OR56A3: variants seen among roughly 807,000 people sequenced by gnomAD.
The protein encoded by OR56A3 is olfactory receptor family 56 subfamily A member 3, also known as olfactory receptor 56A3.
Under a neutral mutation model 17.5 loss-of-function variants are expected in OR56A3, and 23 were observed. The ratio of observed to expected loss-of-function variants is 1.32; its 90% CI spans 0.95 to 1.87. OR56A3 has a LOEUF of 1.87. Ranked by LOEUF, OR56A3 falls within the 40% of genes most tolerant of loss-of-function variation. The pLI is 0.00. For missense variants in OR56A3, 366 were observed against 380.1 expected (o/e 0.96, Z 0.31); for synonymous variants, 175 against 150.6 (o/e 1.16, Z -1.19).
At chr11:6,003,744 G>A in the OR56A3 span, among the ~76,000 whole-genome samples, 1 of 152,292 alleles carries the variant, frequency 6.6e-6, no homozygotes, top group Non-Finnish European at 1.5e-5. Context: ...AACGTTGTGT[G>A]AAATGATGTT....
At chr11:6,010,369 A>T in the OR56A3 span, among the ~76,000 whole-genome samples, 2 of 152,204 alleles carry the variant, frequency 1.3e-5, no homozygotes, top group African/African-American at 4.8e-5. Context: ...ATTGAAACTC[A>T]ATCCCTACCT....
chr11:5,994,885 G>A, the OR56A3 span: 1 of 759,306 alleles, frequency 1.3e-6, no homozygotes, highest in Non-Finnish European at 2.4e-6. Flanking sequence ...CCGGGTAGGA[G>A]GCCAGGCAGT....
At chr11:6,020,293 T>A in the OR56A3 span, 1 of 152,170 alleles carries the variant, frequency 6.6e-6, no homozygotes, top group Non-Finnish European at 1.5e-5. Context: ...CTATTCAGGC[T>A]CTTTTTTGGT....
the OR56A3 span, among the ~76,000 whole-genome samples, chr11:5,998,338 A>G: frequency 6.6e-6 from 1 of 152,186 alleles, no homozygotes; most frequent in Non-Finnish European, 1.5e-5. Context: ...TAGAGAAAAG[A>G]AAAGATCCCA....
At chr11:5,968,463 G>C in the OR56A3 span, 6 of 1,562,860 alleles carry the variant, frequency 3.8e-6, no homozygotes. Flanking sequence ...TTCAAAGACT[G>C]GGGAAGTGGA....
the OR56A3 span, chr11:5,985,771 C>T: frequency 3.1e-5 from 19 of 607,114 alleles, no homozygotes; most frequent in African/African-American, 2.8e-4. Context: ...TATCCAGGTA[C>T]ATCCCAATAA....
At chr11:5,984,540 T>A in the OR56A3 span, among the ~76,000 whole-genome samples, 1 of 152,208 alleles carries the variant, frequency 6.6e-6, no homozygotes, top group Non-Finnish European at 1.5e-5. Context: ...TTAAGAGAGT[T>A]TGTTACAATA....
chr11:5,948,210 T>C lies in OR56A3; in HGVS notation c.864T>C (p.Pro288=), dbSNP rs1400627084. ...VLLNVLHHVI[P]AALNPIIYGV... ...TCAATGTTCTCCACCATGTCATTCC[T>C]GCAGCCCTTAACCCCATCATTTACG... The change falls in exon 3 of 3, where the codon CCT becomes CCC. Residue 288 remains proline (P), a synonymous_variant. Transcript: ENST00000641160. The C allele has an allele frequency of 6.2e-7, 1 of 1,614,230 alleles. No individual in the cohort carries two copies. Among genetic ancestry groups the C allele is most frequent in the Non-Finnish European group, 8.5e-7 (1 of 1,180,028 alleles).
chr11:5,986,331 C>T, the OR56A3 span: 1 of 1,613,988 alleles, frequency 6.2e-7, no homozygotes, highest in Middle Eastern at 1.6e-4. Context: ...TCACAACAGC[C>T]ATATGTTCAC....
chr11:5,947,924 G>A lies in OR56A3; in HGVS notation c.578G>A (p.Cys193Tyr). ...CANMSVSRLS[C>Y]DDVTINHLYQ... ...AATATGTCTGTTTCCAGACTCTCCT[G>A]CGATGATGTCACCATCAATCACCTT... Residue 193 changes from cysteine to tyrosine, a missense_variant, in exon 3 of 3, where the codon TGC (cysteine) becomes TAC (tyrosine). Transcript: ENST00000641160. 6.2e-7 allele frequency: 1 copy of A among 1,614,138 alleles called. No individual in the cohort carries two copies. The highest frequency in any genetic ancestry group is 8.5e-7 in the Non-Finnish European group (1 of 1,179,988).
the OR56A3 span, among the ~76,000 whole-genome samples, chr11:5,983,278 G>C: frequency 6.6e-6 from 1 of 151,814 alleles, no homozygotes; most frequent in Non-Finnish European, 1.5e-5. Context: ...CACAACTTTT[G>C]CTATATGTAC....
chr11:6,018,042 A>G, the OR56A3 span, among the ~76,000 whole-genome samples: 35 of 14,268 alleles, frequency 2.5e-3, no homozygotes, highest in South Asian at 7.1e-3. Flanking sequence ...GTGTGTGTGT[A>G]TATATATATA....
chr11:6,007,676 T>C, the OR56A3 span, among the ~76,000 whole-genome samples: 5 of 152,240 alleles, frequency 3.3e-5, no homozygotes, highest in East Asian at 1.9e-4. Flanking sequence ...AACTGAGTGA[T>C]GGGAATTCTT....
At chr11:5,954,333 C>T (rs1847922498), downstream of OR56A3, among the ~76,000 whole-genome samples, 1 of 152,114 alleles carries the variant, frequency 6.6e-6, no homozygotes, top group South Asian at 2.1e-4. Context: ...GACTAAGGCT[C>T]AGATCTTATC....
In OR56A3 at chr11:5,951,190, C is replaced by T. The variant is rs1847905614; in HGVS notation, c.*2896C>T. The T allele has an allele frequency of 6.6e-6, 1 of 151,928 alleles. No homozygotes were observed. The highest frequency in any genetic ancestry group is 2.1e-4 in the South Asian group (1 of 4,820). 9.4% of individuals were successfully genotyped at this position (151,928 alleles called of 1,614,324 possible). A position where few individuals can be genotyped will look rare whatever the true frequency, so the allele number is the denominator to read the frequency against. On this transcript the variant is annotated 3_prime_UTR_variant, in exon 3 of 3. Transcript: ENST00000641160. The stretch of plus-strand genomic sequence containing the variant: ...GTGACAGACTTGAAGAAGAGTTAAA[C>T]TTAAGATCCTAAGGAAGAATGTAAA...
the OR56A3 span, among the ~76,000 whole-genome samples, chr11:5,963,818 T>G: frequency 3.3e-5 from 5 of 152,300 alleles, no homozygotes; most frequent in Non-Finnish European, 5.9e-5. Context: ...CACTCTTGAA[T>G]GCCAATAACT....
chr11:5,959,641 T>G, the OR56A3 span, among the ~76,000 whole-genome samples: 1 of 152,224 alleles, frequency 6.6e-6, no homozygotes, highest in Non-Finnish European at 1.5e-5. Context: ...CTCTATTGAT[T>G]GCTTTCTTTG....
downstream of OR56A3, among the ~76,000 whole-genome samples, chr11:5,951,975 A>G (rs185229720): frequency 6.6e-6 from 1 of 152,364 alleles, no homozygotes; most frequent in African/African-American, 2.4e-5. Flanking sequence ...TGATGTGATT[A>G]GCATAAATCT....
At chr11:5,989,665 A>G in the OR56A3 span, among the ~76,000 whole-genome samples, 3 of 152,182 alleles carry the variant, frequency 2.0e-5, no homozygotes, top group Non-Finnish European at 4.4e-5. Flanking sequence ...AAAAAATCCC[A>G]TATTGGGCAC....
Sources: gnomAD v4.1 joint callset for allele counts (sites outside exome capture counted in the v4.1 genomes callset) on GRCh38, gnomAD v4.1.1 for gene constraint, MANE v1.5 for transcripts, NCBI Gene and HGNC (gene_info 2026-07-23, HGNC 2026-07-21) for gene names.